Variants in NDST3 observed in about 807,000 individuals in gnomAD.
NDST3 encodes the protein bifunctional heparan sulfate N-deacetylase/N-sulfotransferase 3.
NDST3 carries 58 observed loss-of-function variants against 96.1 expected under a neutral mutation model. The ratio of observed to expected loss-of-function variants is 0.60; its 90% CI spans 0.49 to 0.75. The LOEUF is 0.75. Among genes scored for constraint, NDST3 ranks in the 30% least tolerant of loss-of-function variants. NDST3 has a pLI of 0.00. For synonymous variants in NDST3, 333 were observed against 359.7 expected (o/e 0.93, Z 0.84); for missense variants, 788 against 1,034.2 (o/e 0.76, Z 3.27).
At chr4:118,149,967 G>A (rs1415025631) in intron 6 of NDST3, among the ~76,000 whole-genome samples, 2 of 106,526 alleles carry the variant, frequency 1.9e-5, no homozygotes, top group East Asian at 2.2e-4. Context: ...TAGCATGAAG[G>A]GTTGTTGAAT....
At chr4:118,177,797 T>C (rs1237689974) in intron 6 of NDST3, among the ~76,000 whole-genome samples, 1 of 151,894 alleles carries the variant, frequency 6.6e-6, no homozygotes, top group Non-Finnish European at 1.5e-5. Context: ...AGTCTTGAAG[T>C]CTCAATGAAG....
At chr4:118,128,900 A>T (rs548035527) in intron 4 of NDST3, among the ~76,000 whole-genome samples, 17 of 151,996 alleles carry the variant, frequency 1.1e-4, no homozygotes, top group African/African-American at 3.9e-4. Flanking sequence ...GGATTTCTTC[A>T]TGGTTCAATT....
At chr4:118,247,566 A>G (rs1407261501) in intron 12 of NDST3, among the ~76,000 whole-genome samples, 1 of 151,708 alleles carries the variant, frequency 6.6e-6, no homozygotes, top group Non-Finnish European at 1.5e-5. Flanking sequence ...AAAAAGAAAG[A>G]AAGAAAGAAA....
chr4:118,148,149 T>A (rs764558506), intron 6 of NDST3, among the ~76,000 whole-genome samples: 6 of 152,038 alleles, frequency 3.9e-5, no homozygotes, highest in Non-Finnish European at 7.4e-5. Flanking sequence ...ATACAAAAAA[T>A]TAGCCAGGCG....
intron 2 of NDST3, among the ~76,000 whole-genome samples, chr4:118,063,196 A>C (rs1188511717): frequency 6.6e-6 from 1 of 151,950 alleles, no homozygotes; most frequent in Non-Finnish European, 1.5e-5. Flanking sequence ...GTTTAAAAAA[A>C]AAAAAAAAAA....
chr4:118,184,221 T>A (rs1318522644), intron 6 of NDST3, among the ~76,000 whole-genome samples: 1 of 152,210 alleles, frequency 6.6e-6, no homozygotes, highest in Non-Finnish European at 1.5e-5. Context: ...CCATGGTTAA[T>A]CTTACGTGTC....
intron 7 of NDST3, among the ~76,000 whole-genome samples, chr4:118,225,859 C>A (rs1739841015): frequency 6.6e-6 from 1 of 152,136 alleles, no homozygotes; most frequent in South Asian, 2.1e-4. Context: ...TTTTAACAAG[C>A]ATCTTTTCAT....
Position 118,135,195 on chromosome 4 carries a change from A to G in NDST3, c.1225-2859A>G, listed in dbSNP as rs143725193. ...AAAGCAGCCCCCTACTAACTGAATGACTCACAAGCTGGAACTACTCGGCAG... is the reference window on the plus strand; with the variant it reads ...AAAGCAGCCCCCTACTAACTGAATGGCTCACAAGCTGGAACTACTCGGCAG... On this transcript the variant is annotated intron_variant, in intron 4 of 13. Transcript: ENST00000296499. Among the ~76,000 whole-genome samples the G allele has an allele frequency of 2.0e-5, 3 of 152,276 alleles. No individual in the cohort carries two copies. The East Asian group carries it at 5.8e-4, about 29-fold the overall frequency.
intron 6 of NDST3, among the ~76,000 whole-genome samples, chr4:118,203,210 T>G (rs186117821): frequency 2.8e-4 from 43 of 152,332 alleles, no homozygotes; most frequent in Admixed American, 3.9e-4. Flanking sequence ...CTGGATTTGA[T>G]TTTCTAGTAT....
In NDST3 at chr4:118,232,966, T is replaced by C. The variant is rs201132540; in HGVS notation, c.1820-46T>C. ...ACTTTAAAGTGTTGATCATAGGAAA[T>C]TGTGTTTTCATTTAATTAATTTCTG... On this transcript the variant is annotated intron_variant, in intron 8 of 13. Coordinates refer to ENST00000296499, the MANE Select transcript of NDST3 (RefSeq NM_004784.3). 45 of 1,566,028 alleles carry C rather than the reference T, an allele frequency of 2.9e-5. No homozygotes were observed. In the East Asian group the frequency reaches 6.7e-4, roughly 23 times the overall value.
chr4:118,079,968 C>T (rs1208805360), intron 2 of NDST3, among the ~76,000 whole-genome samples: 1 of 152,048 alleles, frequency 6.6e-6, no homozygotes, highest in Non-Finnish European at 1.5e-5. Flanking sequence ...TGTGTTCCTC[C>T]AGTTGGGGAG....
Position 118,206,504 on chromosome 4 carries a change from G to C in NDST3, c.1540-17987G>C, listed in dbSNP as rs908428972. ...TGATTCAATTTATCTGGAATATAGG[G>C]TGTATGTGGTAGAAGATAAAACTCA... On this transcript the variant is annotated intron_variant, in intron 6 of 13. Coordinates refer to ENST00000296499, the MANE Select transcript of NDST3 (RefSeq NM_004784.3). 2.8e-5 allele frequency among the ~76,000 whole-genome samples: 4 copies of C among 144,426 alleles called. 1 individual carries two copies. Among genetic ancestry groups the C allele is most frequent in the African/African-American group, 1.0e-4 (4 of 39,070 alleles). 94.7% of individuals were successfully genotyped at this position (144,426 alleles called of 152,430 possible).
intron 1 of NDST3, among the ~76,000 whole-genome samples, chr4:118,042,736 C>T (rs1045711060): frequency 5.3e-5 from 8 of 152,198 alleles, no homozygotes; most frequent in African/African-American, 1.7e-4. Context: ...ATTTCTTCAA[C>T]CTTGCCAGGG....
At chr4:118,160,994 C>T (rs1240792925) in intron 6 of NDST3, among the ~76,000 whole-genome samples, 2 of 151,860 alleles carry the variant, frequency 1.3e-5, no homozygotes, top group Non-Finnish European at 2.9e-5. Context: ...CCCCCATCTT[C>T]GTGGTTTTAT....
intron 1 of NDST3, among the ~76,000 whole-genome samples, chr4:118,040,921 A>G (rs1724425445): frequency 1.4e-5 from 2 of 147,552 alleles, no homozygotes; most frequent in Admixed American, 1.4e-4. Context: ...AAAATTTTGT[A>G]TATTTTTTGT....
chr4:118,066,118 T>TA (rs1244153447), intron 2 of NDST3, among the ~76,000 whole-genome samples: 17 of 78,944 alleles, frequency 2.2e-4, no homozygotes, highest in Admixed American at 1.2e-3. Context: ...ATATTTTATA[T>TA]ATTATATATA....
At chr4:118,053,648 A>C (rs1377214245) in intron 1 of NDST3, 108 bp from the exon 2 acceptor site, 1 of 335,344 alleles carries the variant, frequency 3.0e-6, no homozygotes. Flanking sequence ...TTTACTATAC[A>C]CCAGTTCATC....
chr4:118,222,675 C>T (rs1739631015), intron 6 of NDST3, among the ~76,000 whole-genome samples: 1 of 151,990 alleles, frequency 6.6e-6, no homozygotes, highest in Non-Finnish European at 1.5e-5. Flanking sequence ...AAGTTCAACA[C>T]CTTATAAGTA....
intron 6 of NDST3, among the ~76,000 whole-genome samples, chr4:118,161,691 A>G (rs961265962): frequency 1.3e-5 from 2 of 152,124 alleles, no homozygotes; most frequent in Admixed American, 6.5e-5. Context: ...GAGGGATATA[A>G]TCTCCTGGTG....
Sources: allele counts gnomAD v4.1 joint callset (sites outside exome capture counted in the v4.1 genomes callset), GRCh38; gene constraint gnomAD v4.1.1; transcripts MANE v1.5; gene names NCBI Gene and HGNC (gene_info 2026-07-23, HGNC 2026-07-21).